The following NEBL variants were observed in gnomAD, a reference collection of about 807,000 sequenced individuals.
The protein encoded by NEBL is LIM and SH3 protein 2.
NEBL carries 122 observed loss-of-function variants against 140.2 expected under a neutral mutation model. That is an observed-to-expected ratio of 0.87 (90% CI 0.75 to 1.01). The LOEUF (loss-of-function observed/expected upper bound fraction) is 1.01. Among genes scored for constraint, NEBL ranks in the 50% least tolerant of loss-of-function variants. NEBL has a pLI of 0.00. For synonymous variants in NEBL, 436 were observed against 398.9 expected (o/e 1.09, Z -1.11); for missense variants, 1,365 against 1,231.3 (o/e 1.11, Z -1.62).
intron 14 of NEBL, among the ~76,000 whole-genome samples, chr10:20,833,410 G>A (rs1355655037): frequency 1.3e-5 from 2 of 152,120 alleles, no homozygotes; most frequent in East Asian, 3.9e-4. Context: ...CCCGAACATT[G>A]GTTGAAAATG....
At chr10:21,264,898 G>T (rs951612278) in intron 1 of NEBL, among the ~76,000 whole-genome samples, 16 of 151,300 alleles carry the variant, frequency 1.1e-4, no homozygotes, top group African/African-American at 3.9e-4. Context: ...TGACAATAGG[G>T]GCAAGAGAGC....
intron 1 of NEBL, among the ~76,000 whole-genome samples, chr10:21,275,968 C>CT (rs35122753): frequency 0.058 from 7,206 of 124,312 alleles, 262 homozygotes; most frequent in South Asian, 0.13. Context: ...CCAGCCCTTT[C>CT]TTTTTTTTTT....
intron 2 of NEBL, among the ~76,000 whole-genome samples, chr10:21,063,093 G>C (rs920591776): frequency 6.6e-6 from 1 of 152,106 alleles, no homozygotes; most frequent in African/African-American, 2.4e-5. Context: ...TATCAGCATG[G>C]GGATGCCTGC....
intron 3 of NEBL, among the ~76,000 whole-genome samples, chr10:21,015,452 G>C (rs1838517414): frequency 6.6e-6 from 1 of 152,202 alleles, no homozygotes; most frequent in Non-Finnish European, 1.5e-5. Flanking sequence ...CCGAAAAAGG[G>C]AATGCTTTCT....
chr10:21,272,072 C>T (rs1842866490), intron 1 of NEBL, among the ~76,000 whole-genome samples: 1 of 150,288 alleles, frequency 6.7e-6, no homozygotes, highest in Non-Finnish European at 1.5e-5. Context: ...ATTCTTCAGC[C>T]TCCTGAGTAG....
At chr10:21,246,339 C>T (rs1842516544) in intron 3 of NEBL, among the ~76,000 whole-genome samples, 1 of 152,230 alleles carries the variant, frequency 6.6e-6, no homozygotes, top group Non-Finnish European at 1.5e-5. Context: ...CGCCATATAA[C>T]CCAGTAATCC....
At chr10:21,195,115 T>C (rs1396655431) in intron 3 of NEBL, among the ~76,000 whole-genome samples, 1 of 152,102 alleles carries the variant, frequency 6.6e-6, no homozygotes, top group African/African-American at 2.4e-5. Flanking sequence ...CTAATAAAAT[T>C]AGATAATTTC....
At chr10:21,030,654 A>T in intron 2 of NEBL, 1 of 517,702 alleles carries the variant, frequency 1.9e-6, no homozygotes, top group Non-Finnish European at 3.8e-6. Flanking sequence ...AAAATAAAGT[A>T]GGTGTGGTGA....
At chr10:21,003,299 T>C (rs1837986284) in intron 3 of NEBL, among the ~76,000 whole-genome samples, 1 of 152,166 alleles carries the variant, frequency 6.6e-6, no homozygotes, top group Non-Finnish European at 1.5e-5. Flanking sequence ...GCTGACACCT[T>C]TGGAGGGAAA....
At chr10:20,854,046 G>T (rs533000579) in intron 9 of NEBL, among the ~76,000 whole-genome samples, 1 of 152,078 alleles carries the variant, frequency 6.6e-6, no homozygotes, top group South Asian at 2.1e-4. Context: ...TTATAAATTA[G>T]AAAATTTTAA....
intron 1 of NEBL, among the ~76,000 whole-genome samples, chr10:21,288,820 G>GATATAGATATATATA (rs1843099453): frequency 2.9e-5 from 1 of 35,022 alleles, no homozygotes; most frequent in East Asian, 2.5e-3. Context: ...GTGTGTGTGT[G>GATATAGATATATATA]TATATATATA....
At chr10:20,901,642 T>C (rs529565998), upstream of NEBL, among the ~76,000 whole-genome samples, 1 of 152,360 alleles carries the variant, frequency 6.6e-6, no homozygotes, top group African/African-American at 2.4e-5. Context: ...TCAACATTTC[T>C]TATTATAAAA....
intron 2 of NEBL, among the ~76,000 whole-genome samples, chr10:21,036,303 A>G (rs2131818745): frequency 6.6e-6 from 1 of 152,068 alleles, no homozygotes; most frequent in African/African-American, 2.4e-5. Flanking sequence ...AAAATTCTCA[A>G]ATTAGCCAGG....
At chr10:20,861,914 C>A (rs1169731817) in intron 7 of NEBL, among the ~76,000 whole-genome samples, 2 of 152,274 alleles carry the variant, frequency 1.3e-5, no homozygotes, top group Non-Finnish European at 1.5e-5. Flanking sequence ...ACCATATACC[C>A]CTAACCTACC....
chr10:20,826,780 G>A (rs1839920915), intron 17 of NEBL, among the ~76,000 whole-genome samples: 1 of 152,076 alleles, frequency 6.6e-6, no homozygotes, highest in Admixed American at 6.6e-5. Flanking sequence ...CACTACCATG[G>A]CTGACTGCAG....
intron 1 of NEBL, among the ~76,000 whole-genome samples, chr10:21,254,400 G>T (rs1842628135): frequency 6.6e-6 from 1 of 152,036 alleles, no homozygotes; most frequent in Non-Finnish European, 1.5e-5. Context: ...GGGATTACGG[G>T]CATGAGCCAC....
intron 4 of NEBL, among the ~76,000 whole-genome samples, chr10:20,934,411 T>C (rs1389081461): frequency 6.6e-6 from 1 of 152,166 alleles, no homozygotes; most frequent in Admixed American, 6.5e-5. Flanking sequence ...CGCAGACTCA[T>C]TAGTCATTCT....
At chr10:21,219,628 T>A in intron 3 of NEBL, among the ~76,000 whole-genome samples, 1 of 152,240 alleles carries the variant, frequency 6.6e-6, no homozygotes, top group Non-Finnish European at 1.5e-5. Context: ...TTTCTAATGC[T>A]ATCAGAATTT....
At position 20,783,344 on chromosome 10, in the gene NEBL, T is replaced by C. The variant is rs758958540; in HGVS notation, c.*2403A>G. The stretch of plus-strand genomic sequence containing the variant: ...ACATCTTGTTCAGTTTTAGTCTTCA[T>C]TGTAAAACAACTACCCTTTAGTTAA... On this transcript the variant is annotated 3_prime_UTR_variant, in exon 28 of 28. Transcript: ENST00000377122. 6.6e-6 allele frequency: 1 copy of C among 152,212 alleles called. No homozygotes were observed. The highest frequency in any genetic ancestry group is 2.1e-4 in the South Asian group (1 of 4,824). The allele number at this position is 152,212 out of a possible 1,614,324, so 9.4% of individuals were successfully genotyped here.
Sources: allele counts gnomAD v4.1 joint callset (sites outside exome capture counted in the v4.1 genomes callset), GRCh38; gene constraint gnomAD v4.1.1; transcripts MANE v1.5; gene names NCBI Gene and HGNC (gene_info 2026-07-23, HGNC 2026-07-21).